Variants in RGS20 observed in about 807,000 individuals in gnomAD.
RGS20 encodes the protein gz-selective GTPase-activating protein.
In RGS20, 30 loss-of-function variants were observed where a neutral mutation model predicts 33.6. The observed-to-expected ratio is 0.89, with a 90% CI of 0.67 to 1.21. The LOEUF is 1.21. RGS20 is among the 50% of genes most tolerant of loss of function. The probability of loss-of-function intolerance (pLI) is 0.00; values close to 1 mark genes in which losing one functional copy is unlikely to be tolerated. For synonymous variants in RGS20, 208 were observed against 197.9 expected (o/e 1.05, Z -0.43); for missense variants, 472 against 502.4 (o/e 0.94, Z 0.58).
intron 2 of RGS20, among the ~76,000 whole-genome samples, chr8:53,916,212 A>G (rs1391302615): frequency 1.3e-5 from 2 of 152,058 alleles, no homozygotes; most frequent in African/African-American, 2.4e-5. Context: ...CGTAGAGACA[A>G]GGTTTCACTG....
At chr8:53,909,563 AT>A (rs1001121504) in intron 2 of RGS20, among the ~76,000 whole-genome samples, 6 of 151,460 alleles carry the variant, frequency 4.0e-5, no homozygotes, top group Non-Finnish European at 5.9e-5. Flanking sequence ...CCCTTATGCT[AT>A]TTTTTTTAAA....
chr8:53,943,638 G>C (rs912164241), intron 3 of RGS20, among the ~76,000 whole-genome samples: 2 of 152,092 alleles, frequency 1.3e-5, no homozygotes, highest in African/African-American at 4.8e-5. Context: ...AAACCACATT[G>C]TCTCTTTAAA....
chr8:53,876,917 G>A (rs1812221592), intron 1 of RGS20, among the ~76,000 whole-genome samples: 1 of 152,222 alleles, frequency 6.6e-6, no homozygotes, highest in South Asian at 2.1e-4. Context: ...CTGTCTCGAA[G>A]CACAGGACCG....
In RGS20 at chr8:53,954,080, GC is replaced by G; in HGVS notation, c.749del (p.Ala250ValfsTer17). 1 of 1,613,086 alleles carries G rather than the reference GC, an allele frequency of 6.2e-7. No homozygotes were observed. The highest frequency in any genetic ancestry group is 1.1e-5 in the South Asian group (1 of 91,010). ...TCTCTTTTGGTCTCCACGAAGCCCT[GC>G]TCCTACTCTGGAAGAAGTCAACGCC... is the stretch of plus-strand genomic sequence containing the variant. On this transcript the variant is annotated frameshift_variant, in exon 5 of 6. Coordinates refer to ENST00000297313, the MANE Select transcript of RGS20 (RefSeq NM_170587.4). LOFTEE classifies it high-confidence loss of function.
At chr8:53,954,879 G>T (rs1343672426) in intron 5 of RGS20, among the ~76,000 whole-genome samples, 1 of 150,778 alleles carries the variant, frequency 6.6e-6, no homozygotes, top group African/African-American at 2.4e-5. Flanking sequence ...GTAGAGACAG[G>T]GTTTCACCAT....
At chr8:53,887,358 G>T in intron 2 of RGS20, 1 of 217,054 alleles carries the variant, frequency 4.6e-6, no homozygotes. Context: ...ACTTGTCTTT[G>T]CTGATCAGGA....
intron 1 of RGS20, among the ~76,000 whole-genome samples, chr8:53,873,764 G>A (rs925327058): frequency 2.0e-5 from 3 of 152,168 alleles, no homozygotes; most frequent in Non-Finnish European, 4.4e-5. Flanking sequence ...GGTGACAAGT[G>A]CTATAGAAAA....
intron 5 of RGS20, among the ~76,000 whole-genome samples, chr8:53,957,972 T>A (rs1014689511): frequency 8.6e-5 from 13 of 151,808 alleles, no homozygotes; most frequent in African/African-American, 2.9e-4. Flanking sequence ...AGAAACCCCG[T>A]CTCTACTAAA....
At chr8:53,946,938 A>G (rs1017082116) in intron 4 of RGS20, among the ~76,000 whole-genome samples, 190 bp downstream of exon 3, 158 of 151,968 alleles carry the variant, frequency 1.0e-3, no homozygotes, top group Middle Eastern at 3.4e-3. Flanking sequence ...AGGGAGAGAA[A>G]TCAGTTCCAT....
At chr8:53,940,942 C>T (rs1484802993) in intron 3 of RGS20, among the ~76,000 whole-genome samples, 3 of 152,192 alleles carry the variant, frequency 2.0e-5, no homozygotes, top group Non-Finnish European at 4.4e-5. Context: ...CCTATATTCT[C>T]ACTCTGCCAG....
chr8:53,876,333 A>G (rs1812208164), intron 1 of RGS20: 1 of 152,232 alleles, frequency 6.6e-6, no homozygotes, highest in South Asian at 2.1e-4. Flanking sequence ...TCGTCTGCAT[A>G]AAGGCACTCT....
intron 2 of RGS20, chr8:53,913,404 T>G (rs893164972): frequency 6.6e-6 from 1 of 152,184 alleles, no homozygotes. Context: ...TCACTCCACG[T>G]TGGACATTGT....
intron 2 of RGS20, among the ~76,000 whole-genome samples, chr8:53,885,770 T>C (rs1812524205): frequency 6.6e-6 from 1 of 150,428 alleles, no homozygotes; most frequent in East Asian, 1.9e-4. Context: ...GTGTGTGAAC[T>C]GGATACTGAG....
chr8:53,901,505 G>A (rs188202787), intron 2 of RGS20, among the ~76,000 whole-genome samples: 1 of 152,196 alleles, frequency 6.6e-6, no homozygotes, highest in South Asian at 2.1e-4. Flanking sequence ...GGGCTTAGAA[G>A]TAAGGTAGGT....
intron 4 of RGS20, among the ~76,000 whole-genome samples, chr8:53,951,971 C>T (rs937995613): frequency 3.3e-5 from 5 of 151,038 alleles, no homozygotes; most frequent in African/African-American, 9.7e-5. Flanking sequence ...GAGCCGAGAT[C>T]GCGCCACTGC....
chr8:53,863,472 G>A (rs1163721416), intron 1 of RGS20, among the ~76,000 whole-genome samples: 1 of 152,108 alleles, frequency 6.6e-6, no homozygotes, highest in Middle Eastern at 3.2e-3. Context: ...GGTGACATCT[G>A]GTGGAAATCC....
At chr8:53,862,953 C>T (rs144559814) in intron 1 of RGS20, among the ~76,000 whole-genome samples, 223 of 152,208 alleles carry the variant, frequency 1.5e-3, no homozygotes, top group African/African-American at 5.0e-3. Flanking sequence ...TTTAGGAAAT[C>T]GGGAACCAGA....
intron 5 of RGS20, among the ~76,000 whole-genome samples, chr8:53,956,780 G>A (rs1814877804): frequency 6.6e-6 from 1 of 152,090 alleles, no homozygotes; most frequent in South Asian, 2.1e-4. Flanking sequence ...TTTAATTTAT[G>A]GCTTCCACAT....
chr8:53,888,579 G>A (rs538344932), intron 2 of RGS20, among the ~76,000 whole-genome samples: 1 of 152,218 alleles, frequency 6.6e-6, no homozygotes, highest in African/African-American at 2.4e-5. Flanking sequence ...ATGCAGTAGC[G>A]CCCCTCCCTG....
Sources: gnomAD v4.1 joint callset for allele counts (sites outside exome capture counted in the v4.1 genomes callset) on GRCh38, gnomAD v4.1.1 for gene constraint, MANE v1.5 for transcripts, NCBI Gene and HGNC (gene_info 2026-07-23, HGNC 2026-07-21) for gene names.